The following YTHDC1 variants were observed in gnomAD, a reference collection of about 807,000 sequenced individuals.
The protein encoded by YTHDC1 is YTH N6-methyladenosine RNA binding protein C1, also known as YTH domain-containing protein 1.
A neutral mutation model predicts 107.0 loss-of-function variants in YTHDC1; 12 were observed. That is an observed-to-expected ratio of 0.11 (90% CI 0.07 to 0.18). YTHDC1 has a LOEUF of 0.18. Among genes scored for constraint, YTHDC1 ranks in the 10% least tolerant of loss-of-function variants. YTHDC1 has a pLI of 1.00. For synonymous variants in YTHDC1, 280 were observed against 289.5 expected (o/e 0.97, Z 0.33); for missense variants, 635 against 898.8 (o/e 0.71, Z 3.75).
chr4:68,322,821 T>C lies in YTHDC1; in HGVS notation c.1529A>G (p.Lys510Arg), dbSNP rs763234834. 6 of 1,614,208 alleles carry C rather than the reference T, an allele frequency of 3.7e-6. No individual in the cohort carries two copies. The South Asian group carries it at 5.5e-5, about 15-fold the overall frequency. The change falls in exon 11 of 17, where the codon AAG becomes AGG. Residue 510 changes from lysine (K) to arginine (R), a missense_variant. Physicochemically the swap from Lys to Arg is conservative, Grantham distance 26 (BLOSUM62 2). Coordinates refer to ENST00000344157, the MANE Select transcript of YTHDC1 (RefSeq NM_001031732.4). The surrounding 1 kb of genome is among the most constrained non-coding windows in gnomAD (Gnocchi z 4.8). ...LYQVIHKMRH[K>R]RRMHSQPRSR... ...TCGGGGCTGAGAATGCATTCTTCTCTTGTGACGCATTTTATGAATGACCTG... is the reference window on the plus strand; with the variant it reads ...TCGGGGCTGAGAATGCATTCTTCTCCTGTGACGCATTTTATGAATGACCTG...
intron 3 of YTHDC1, 55 bp downstream of exon 3, chr4:68,337,517 C>G: frequency 6.3e-7 from 1 of 1,587,426 alleles, no homozygotes; most frequent in Non-Finnish European, 8.5e-7. Context: ...ATAAACAGTT[C>G]TAAAGCCTCA....
chr4:68,320,051 GGTT>G, intron 12 of YTHDC1, 69 bp downstream of exon 12: 1 of 1,312,940 alleles, frequency 7.6e-7, no homozygotes, highest in South Asian at 1.3e-5. Flanking sequence ...GGATTGTGAG[GGTT>G]GTTTTTAATT....
chr4:68,316,226 C>A, intron 16 of YTHDC1, 88 bp downstream of exon 16: 2 of 1,406,866 alleles, frequency 1.4e-6, no homozygotes, highest in South Asian at 3.0e-5. Flanking sequence ...AATGGTCCGT[C>A]AATCATCATA....
chr4:68,343,090 C>T (rs1725026954), intron 1 of YTHDC1, among the ~76,000 whole-genome samples: 1 of 152,160 alleles, frequency 6.6e-6, no homozygotes, highest in Non-Finnish European at 1.5e-5. Flanking sequence ...TATAAGCATA[C>T]AATTCATGCA....
At chr4:68,317,116 C>A (rs1033254988) in intron 15 of YTHDC1, among the ~76,000 whole-genome samples, 5 of 152,088 alleles carry the variant, frequency 3.3e-5, no homozygotes, top group African/African-American at 1.2e-4. Flanking sequence ...CCCACCTACT[C>A]AGGAAGCTGA....
Position 68,332,010 on chromosome 4 carries a change from C to T in YTHDC1, c.1122+93G>A, listed in dbSNP as rs933624197. The T allele has an allele frequency of 9.9e-6, 7 of 706,214 alleles. No homozygotes were observed. In the African/African-American group the frequency reaches 1.1e-4, roughly 11 times the overall value. The allele number at this position is 706,214 out of a possible 1,614,324, so 43.7% of individuals were successfully genotyped here. A position where few individuals can be genotyped will look rare whatever the true frequency, so the allele number is the denominator to read the frequency against. ...AGATCTTTAAAGCCGTAATGAAAAT[C>T]ATAATACCTATGCTACTTGATATAA... On this transcript the variant is annotated intron_variant, in intron 7 of 16. Transcript: ENST00000344157.
In YTHDC1 at chr4:68,333,405, GAAC is replaced by G; in HGVS notation, c.884-11_884-9del. 2 of 1,579,962 alleles carry G rather than the reference GAAC, an allele frequency of 1.3e-6. No homozygotes were observed. Among genetic ancestry groups the G allele is most frequent in the African/African-American group, 1.4e-5 (1 of 73,076 alleles). ...TTTCCTTCTTTTTCTCATCTAAAAA[GAAC>G]AAGAGTTTTTTTTTTAAATCACAAT... is the stretch of plus-strand genomic sequence containing the variant. On this transcript the variant is annotated splice_polypyrimidine_tract_variant and intron_variant, in intron 4 of 16. Transcript: ENST00000344157.
Position 68,337,633 on chromosome 4 carries a change from G to T in YTHDC1, c.398C>A (p.Thr133Asn). The change falls in exon 3 of 17, where the codon ACC becomes AAC. Residue 133 changes from threonine (T) to asparagine (N), a missense_variant. Thr to Asn is a moderately conservative substitution (Grantham distance 65, BLOSUM62 0). Transcript: ENST00000344157. ...TTCAGGATCCCTTTTCCGGACACAGGTTTTTTCAGGTTGATTCTTATAAGG... is the reference window on the plus strand; with the variant it reads ...TTCAGGATCCCTTTTCCGGACACAGTTTTTTTCAGGTTGATTCTTATAAGG... The part of the protein sequence containing the change: ...REPYKNQPEK[T>N]CVRKRDPERR... The T allele has an allele frequency of 6.2e-7, 1 of 1,613,698 alleles. No homozygotes were observed. Among genetic ancestry groups the T allele is most frequent in the Non-Finnish European group, 8.5e-7 (1 of 1,179,968 alleles).
intron 1 of YTHDC1, among the ~76,000 whole-genome samples, chr4:68,344,309 A>G (rs539828812): frequency 5.7e-5 from 7 of 123,174 alleles, no homozygotes; most frequent in African/African-American, 1.8e-4. Flanking sequence ...CAACCCCTGC[A>G]TAACACTGAT....
rs751386403 is a variant in YTHDC1 at position 68,316,404 on chromosome 4, A to G, written c.1869T>C (p.Tyr623=). Reference sequence around the variant, plus strand: ...CTTGAGGAGGTGGAGCATGGTGCTGATAGTAAGGATGGTGTGGAGGTTGTT... The same window carrying G: ...CTTGAGGAGGTGGAGCATGGTGCTGGTAGTAAGGATGGTGTGGAGGTTGTT... ...GMEQPPHHPY[Y]QHHAPPPQAH... is the part of the protein sequence containing the mutation. Residue 623 remains tyrosine, a synonymous_variant, in exon 16 of 17, where the codon TAT becomes TAC. Transcript: ENST00000344157. 3 of 1,613,872 alleles carry G rather than the reference A, an allele frequency of 1.9e-6. No individual in the cohort carries two copies. The African/African-American group carries it at 4.0e-5, about 22-fold the overall frequency.
Position 68,313,968 on chromosome 4 carries a change from A to G in YTHDC1, c.*131T>C. 1.0e-6 allele frequency: 1 copy of G among 967,682 alleles called. No homozygotes were observed. Among genetic ancestry groups the G allele is most frequent in the Non-Finnish European group, 1.6e-6 (1 of 643,190 alleles). The allele number at this position is 967,682 out of a possible 1,614,324, so 59.9% of individuals were successfully genotyped here. ...CTGCATGCTTGGAACAAAGGGGGTC[A>G]TAATAAATCCTTCTACACAATGAAC... On this transcript the variant is annotated 3_prime_UTR_variant, in exon 17 of 17. Coordinates refer to ENST00000344157, the MANE Select transcript of YTHDC1 (RefSeq NM_001031732.4).
At chr4:68,330,477 A>G (rs1486922142) in intron 7 of YTHDC1, among the ~76,000 whole-genome samples, 167 bp from the exon 8 acceptor site, 1 of 152,178 alleles carries the variant, frequency 6.6e-6, no homozygotes. Flanking sequence ...GTAATAATTT[A>G]TAAAAACCTA....
chr4:68,321,178 A>G (rs1270130969), intron 11 of YTHDC1, among the ~76,000 whole-genome samples: 5 of 152,218 alleles, frequency 3.3e-5, no homozygotes, highest in East Asian at 1.9e-4. Context: ...TAAAAACTTG[A>G]TAACAACCTA....
chr4:68,335,711 A>G (rs956330188), intron 4 of YTHDC1, among the ~76,000 whole-genome samples: 1 of 152,134 alleles, frequency 6.6e-6, no homozygotes, highest in Admixed American at 6.5e-5. Context: ...CATTCAACAC[A>G]TACTGCTAAT....
At chr4:68,316,866 A>G (rs1721915478) in intron 15 of YTHDC1, among the ~76,000 whole-genome samples, 1 of 152,222 alleles carries the variant, frequency 6.6e-6, no homozygotes, top group South Asian at 2.1e-4. Flanking sequence ...GTGGTGAAGC[A>G]GGCATACGGC....
intron 9 of YTHDC1, among the ~76,000 whole-genome samples, chr4:68,328,642 T>C (rs1355073377): frequency 1.3e-5 from 2 of 152,246 alleles, no homozygotes; most frequent in Non-Finnish European, 2.9e-5. Flanking sequence ...GATTTCCAAC[T>C]CTTTCCCACA....
In YTHDC1 at chr4:68,313,891, A is replaced by G; in HGVS notation, c.*208T>C. On this transcript the variant is annotated 3_prime_UTR_variant, in exon 17 of 17. Transcript: ENST00000344157. ...CTGCCCCAATAAAAGTGTCAATTCA[A>G]CTGTCAGCTGTGGATTTTTGGCGGA... 1 of 602,550 alleles carries G rather than the reference A, an allele frequency of 1.7e-6. No homozygotes were observed. The highest frequency in any genetic ancestry group is 2.1e-5 in the South Asian group (1 of 48,252). 37.3% of individuals were successfully genotyped at this position (602,550 alleles called of 1,614,324 possible). A position where few individuals can be genotyped will look rare whatever the true frequency, so the allele number is the denominator to read the frequency against.
chr4:68,323,118 T>G (rs141120537), intron 10 of YTHDC1, among the ~76,000 whole-genome samples: 215 of 152,260 alleles, frequency 1.4e-3, no homozygotes, highest in African/African-American at 4.6e-3. Flanking sequence ...AAACTAAAAG[T>G]GTAGAATCTC....
chr4:68,324,204 T>C lies in YTHDC1; in HGVS notation c.1369A>G (p.Lys457Glu), dbSNP rs778891536. 16 of 1,613,894 alleles carry C rather than the reference T, an allele frequency of 9.9e-6. No individual in the cohort carries two copies. The highest frequency in any genetic ancestry group is 1.4e-5 in the Non-Finnish European group (16 of 1,179,818). The change falls in exon 10 of 17, where the codon AAG (lysine) becomes GAG (glutamate). Residue 457 changes from lysine (K) to glutamate (E), a missense_variant. Physicochemically the swap from Lys to Glu is moderately conservative, Grantham distance 56. Transcript: ENST00000344157. ...CAAGGATTGGTGAGATGAGCCGACT[T>C]AGTGAAGGGTAATTCACGCCTAAAT... ...WICRRELPFT[K>E]SAHLTNPWNE...
Sources: gnomAD v4.1 joint callset for allele counts (sites outside exome capture counted in the v4.1 genomes callset) on GRCh38, gnomAD v4.1.1 for gene constraint, Gnocchi (gnomAD v3.1) non-coding constraint, MANE v1.5 for transcripts, NCBI Gene and HGNC (gene_info 2026-07-23, HGNC 2026-07-21) for gene names.